TUSC3: variants seen among roughly 807,000 people sequenced by gnomAD.
TUSC3 encodes the protein tumor suppressor candidate 3.
TUSC3 carries 45 observed loss-of-function variants against 44.8 expected under a neutral mutation model. The ratio of observed to expected loss-of-function variants is 1.00; its 90% CI spans 0.79 to 1.29. The LOEUF (loss-of-function observed/expected upper bound fraction) is 1.29, where lower values mean the gene tolerates loss of function less well. Ranked by LOEUF, TUSC3 falls within the 50% of genes most tolerant of loss-of-function variation. The probability of loss-of-function intolerance (pLI) is 0.00; values close to 1 mark genes in which losing one functional copy is unlikely to be tolerated. For missense variants in TUSC3, 519 were observed against 437.9 expected (o/e 1.19, Z -1.65); for synonymous variants, 212 against 152.9 (o/e 1.39, Z -2.85).
chr8:15,817,808 A>C, the TUSC3 span, among the ~76,000 whole-genome samples: 2 of 152,184 alleles, frequency 1.3e-5, no homozygotes, highest in African/African-American at 4.8e-5. Context: ...TGTTGGTCCT[A>C]GTAAAGATCT....
chr8:15,449,608 T>A (rs1012075605), intron 1 of TUSC3, among the ~76,000 whole-genome samples: 2 of 152,182 alleles, frequency 1.3e-5, no homozygotes, highest in South Asian at 2.1e-4. Context: ...TGGAGGTTAT[T>A]GAGGGAGGGA....
chr8:15,637,939 A>T (rs1404783592), intron 2 of TUSC3, among the ~76,000 whole-genome samples: 4 of 151,150 alleles, frequency 2.6e-5, no homozygotes, highest in African/African-American at 4.9e-5. Context: ...TCTCTGTTTC[A>T]CTCTATCACC....
At chr8:15,671,308 T>A (rs1275995955) in intron 5 of TUSC3, among the ~76,000 whole-genome samples, 1 of 152,004 alleles carries the variant, frequency 6.6e-6, no homozygotes, top group Non-Finnish European at 1.5e-5. Flanking sequence ...TGCCCTTTTT[T>A]GTATGAATAT....
At position 15,540,656 on chromosome 8, in the gene TUSC3, C is replaced by T. The variant is rs546971872; in HGVS notation, c.138+88C>T. On this transcript the variant is annotated intron_variant, in intron 1 of 10. Transcript: ENST00000503731. ...CAGGCAGCCCTGCCGTGTTGCTAGG[C>T]AGCCTGGTCGCCGGCGTGGGCGATG... 7.7e-6 allele frequency: 11 copies of T among 1,425,616 alleles called. No homozygotes were observed. In the Middle Eastern group the frequency reaches 6.7e-4, roughly 87 times the overall value. 88.3% of individuals were successfully genotyped at this position (1,425,616 alleles called of 1,614,324 possible).
intron 6 of TUSC3, among the ~76,000 whole-genome samples, chr8:15,702,540 C>G (rs1169565460): frequency 6.6e-6 from 1 of 152,080 alleles, no homozygotes; most frequent in East Asian, 1.9e-4. Flanking sequence ...ACTGTACTCT[C>G]TTTCTAGGCA....
chr8:15,536,648 C>T (rs912290819), upstream of TUSC3, among the ~76,000 whole-genome samples: 29 of 125,370 alleles, frequency 2.3e-4, 1 homozygote, highest in Non-Finnish European at 7.8e-5. Context: ...TGCCACTGCA[C>T]GCCAGCCTGG....
intron 3 of TUSC3, 140 bp from the exon 4 acceptor site, chr8:15,659,367 A>T (rs997118497): frequency 1.9e-6 from 2 of 1,033,432 alleles, no homozygotes; most frequent in Non-Finnish European, 2.8e-6. Flanking sequence ...GACAAATAAA[A>T]ACAGAAATTT....
intron 1 of TUSC3, among the ~76,000 whole-genome samples, chr8:15,608,071 C>T (rs1469558360): frequency 1.3e-5 from 2 of 152,050 alleles, no homozygotes; most frequent in Non-Finnish European, 2.9e-5. Context: ...GTAGTTTATT[C>T]TTGGTTTTAC....
chr8:15,512,194 C>T (rs60416136), intron 2 of TUSC3, among the ~76,000 whole-genome samples: 4,552 of 152,244 alleles, frequency 0.03, 125 homozygotes, highest in East Asian at 0.093. Context: ...GAGAGCGATA[C>T]TCTAGATATT....
upstream of TUSC3, chr8:15,540,220 C>T (rs1401422808): frequency 1.5e-6 from 1 of 652,776 alleles, no homozygotes; most frequent in Non-Finnish European, 2.3e-6. Context: ...GCCCCCATCC[C>T]GCGCCTTTCC....
chr8:15,708,797 C>T (rs1353779162), intron 6 of TUSC3, among the ~76,000 whole-genome samples: 2 of 151,754 alleles, frequency 1.3e-5, no homozygotes, highest in Non-Finnish European at 2.9e-5. Context: ...AGTCATGATA[C>T]TGATAAAAGT....
chr8:15,558,723 G>C (rs1357086894), intron 1 of TUSC3, among the ~76,000 whole-genome samples: 1 of 120,070 alleles, frequency 8.3e-6, no homozygotes, highest in African/African-American at 3.0e-5. Context: ...CTTCTTCCTG[G>C]TTTAGTCTTG....
chr8:15,477,613 T>G (rs1800596542), intron 1 of TUSC3, among the ~76,000 whole-genome samples: 1 of 151,982 alleles, frequency 6.6e-6, no homozygotes, highest in Non-Finnish European at 1.5e-5. Context: ...TCCCAGCTAC[T>G]TGGGAGGCTG....
chr8:15,620,563 T>C (rs1805199438), intron 1 of TUSC3, among the ~76,000 whole-genome samples: 1 of 152,182 alleles, frequency 6.6e-6, no homozygotes, highest in Non-Finnish European at 1.5e-5. Context: ...AGTAATTGTA[T>C]GATAACTAGA....
Position 15,673,729 on chromosome 8 carries a change from C to G in TUSC3, c.709-18C>G. On this transcript the variant is annotated intron_variant, in intron 5 of 10. Transcript: ENST00000503731. Reference sequence around the variant, plus strand: ...ATTCTCTGGTTTACATATTGAAACACTGCACCCTGTTTTTCAGTGTATAGT... The same window carrying G: ...ATTCTCTGGTTTACATATTGAAACAGTGCACCCTGTTTTTCAGTGTATAGT... 1.3e-6 allele frequency: 2 copies of G among 1,597,498 alleles called. No homozygotes were observed. Among genetic ancestry groups the G allele is most frequent in the Non-Finnish European group, 1.7e-6 (2 of 1,165,412 alleles).
intron 1 of TUSC3, among the ~76,000 whole-genome samples, chr8:15,610,394 T>G (rs1275859708): frequency 6.6e-6 from 1 of 152,184 alleles, no homozygotes; most frequent in Non-Finnish European, 1.5e-5. Context: ...GAGAAACATT[T>G]CTGGTATTTT....
intron 1 of TUSC3, among the ~76,000 whole-genome samples, chr8:15,586,130 G>C (rs1410472222): frequency 6.6e-6 from 1 of 152,150 alleles, no homozygotes; most frequent in African/African-American, 2.4e-5. Flanking sequence ...TTCATATAAG[G>C]TCAAGTCAGA....
intron 2 of TUSC3, among the ~76,000 whole-genome samples, chr8:15,483,984 C>T (rs183865181): frequency 1.3e-5 from 2 of 152,170 alleles, no homozygotes; most frequent in East Asian, 3.9e-4. Context: ...TTGACTGGCC[C>T]TCTCTATAAA....
intron 1 of TUSC3, among the ~76,000 whole-genome samples, chr8:15,602,599 C>T (rs1333247904): frequency 6.6e-6 from 1 of 150,624 alleles, no homozygotes; most frequent in Non-Finnish European, 1.5e-5. Flanking sequence ...TGCAAATTGC[C>T]TAATCTTGTT....
Sources: gnomAD v4.1 joint callset for allele counts (sites outside exome capture counted in the v4.1 genomes callset) on GRCh38, gnomAD v4.1.1 for gene constraint, MANE v1.5 for transcripts, NCBI Gene and HGNC (gene_info 2026-07-23, HGNC 2026-07-21) for gene names.